ELK3: variants seen among roughly 807,000 people sequenced by gnomAD.
The protein encoded by ELK3 is ETS domain-containing protein Elk-3.
ELK3 carries 10 observed loss-of-function variants against 28.9 expected under a neutral mutation model. The observed-to-expected ratio is 0.35, with a 90% confidence interval of 0.21 to 0.59. The LOEUF is 0.59. Among genes scored for constraint, ELK3 ranks in the 20% least tolerant of loss-of-function variants. The pLI is 0.82. For missense variants in ELK3, 463 were observed against 517.3 expected, an observed-to-expected ratio of 0.90 and a Z score of 1.02; for synonymous variants, 272 against 243.5, an observed-to-expected ratio of 1.12 and a Z score of -1.09.
intron 1 of ELK3, among the ~76,000 whole-genome samples, chr12:96,204,920 CT>C (rs1199025552): frequency 6.6e-6 from 1 of 152,200 alleles, no homozygotes; most frequent in African/African-American, 2.4e-5. Context: ...GATGCAAATC[CT>C]TGTTGGAGTT....
chr12:96,204,600 A>G (rs930526918), intron 1 of ELK3, among the ~76,000 whole-genome samples: 1 of 152,238 alleles, frequency 6.6e-6, no homozygotes, highest in African/African-American at 2.4e-5. Flanking sequence ...CAACAGCAGC[A>G]GCAGCAGCAA....
intron 1 of ELK3, among the ~76,000 whole-genome samples, chr12:96,203,174 C>T (rs563144882): frequency 6.6e-6 from 1 of 152,366 alleles, no homozygotes; most frequent in East Asian, 1.9e-4. Context: ...AGCCACCATA[C>T]CTGGCCAGGA....
intron 3 of ELK3, among the ~76,000 whole-genome samples, chr12:96,256,322 G>T (rs1951948426): frequency 6.6e-6 from 1 of 152,176 alleles, no homozygotes; most frequent in East Asian, 1.9e-4. Flanking sequence ...AAATGGGGCT[G>T]TGCATGCAGG....
intron 1 of ELK3, among the ~76,000 whole-genome samples, chr12:96,202,130 C>T (rs1317115337): frequency 6.6e-6 from 1 of 152,194 alleles, no homozygotes; most frequent in Admixed American, 6.5e-5. Flanking sequence ...GCTCTGATCC[C>T]TTCTCTCCCC....
Position 96,255,580 on chromosome 12 carries a change from C to T in ELK3, c.1003-4151C>T, listed in dbSNP as rs148163144. On this transcript the variant is annotated intron_variant, in intron 3 of 4. Coordinates refer to ENST00000228741, the MANE Select transcript of ELK3 (RefSeq NM_005230.4). ...GAGGGTTTGGGGAGGGAAGTGTCTA[C>T]GAAGAGTCAAACTCTGTAAAATATT... 5.0e-3 allele frequency: 754 copies of T among 152,272 alleles called. 3 individuals carry two copies. The highest frequency in any genetic ancestry group is 0.02 in the Middle Eastern group (6 of 294). The allele number at this position is 152,272 out of a possible 1,614,324, so 9.4% of individuals were successfully genotyped here. A position where few individuals can be genotyped will look rare whatever the true frequency, so the allele number is the denominator to read the frequency against.
chr12:96,257,169 C>T (rs895705911), intron 3 of ELK3, among the ~76,000 whole-genome samples: 17 of 152,152 alleles, frequency 1.1e-4, no homozygotes, highest in African/African-American at 2.7e-4. Context: ...ACTCCAGGAG[C>T]GTGTGGAGAG....
In ELK3 at chr12:96,238,135, T is replaced by G. The variant is rs578151145; in HGVS notation, c.208-8805T>G. On this transcript the variant is annotated intron_variant, in intron 2 of 4. Coordinates refer to ENST00000228741, the MANE Select transcript of ELK3 (RefSeq NM_005230.4). ...AAAGTAAGGTGCCCACCCAAGAAAT[T>G]TTCCTGGAAGGCAGAATAAAATGAA... Among the ~76,000 whole-genome samples the G allele has an allele frequency of 2.6e-5, 4 of 152,280 alleles. No individual in the cohort carries two copies. The South Asian group carries it at 8.3e-4, about 32-fold the overall frequency.
intron 2 of ELK3, among the ~76,000 whole-genome samples, chr12:96,226,737 G>C (rs1951704613): frequency 6.6e-6 from 1 of 150,942 alleles, no homozygotes; most frequent in Non-Finnish European, 1.5e-5. Context: ...GTTAATTCTT[G>C]CTTATAAAAT....
At chr12:96,215,291 G>C (rs1251302099) in intron 1 of ELK3, among the ~76,000 whole-genome samples, 2 of 152,208 alleles carry the variant, frequency 1.3e-5, no homozygotes, top group African/African-American at 4.8e-5. Flanking sequence ...CGACTTCTAA[G>C]AATGGAGGCA....
rs537187713 is a variant in ELK3, at chr12:96,220,177, GT to G, written c.-2-3387del. ...AATCTGGGAGGCCCTGAAGCAGTAG[GT>G]CCCCATCCCCACCACTGCTCCTCTG... On this transcript the variant is annotated intron_variant, in intron 1 of 4. Coordinates refer to ENST00000228741, the MANE Select transcript of ELK3 (RefSeq NM_005230.4). Among the ~76,000 whole-genome samples the G allele has an allele frequency of 7.2e-5, 11 of 152,116 alleles. No individual in the cohort carries two copies. In the South Asian group the frequency reaches 2.3e-3, roughly 32 times the overall value.
intron 1 of ELK3, among the ~76,000 whole-genome samples, chr12:96,221,818 C>T (rs991373534): frequency 5.3e-5 from 8 of 152,150 alleles, no homozygotes; most frequent in Non-Finnish European, 7.3e-5. Flanking sequence ...AGAATATCCC[C>T]TTTAAAGAGC....
intron 2 of ELK3, among the ~76,000 whole-genome samples, chr12:96,228,416 CAA>C (rs71091236): frequency 2.2e-3 from 148 of 68,288 alleles, no homozygotes; most frequent in Admixed American, 0.017. Flanking sequence ...GACTCTGTGT[CAA>C]AAAAAAAAAA....
chr12:96,202,918 C>T (rs1259871658), intron 1 of ELK3, among the ~76,000 whole-genome samples: 5 of 151,218 alleles, frequency 3.3e-5, no homozygotes, highest in South Asian at 2.1e-4. Flanking sequence ...GATGGAGTCT[C>T]GCTCCGTCGC....
At chr12:96,256,479 C>T (rs1427615287) in intron 3 of ELK3, among the ~76,000 whole-genome samples, 1 of 152,008 alleles carries the variant, frequency 6.6e-6, no homozygotes, top group African/African-American at 2.4e-5. Flanking sequence ...AGGTGCTGAG[C>T]TTCATGAAGT....
chr12:96,226,659 C>T (rs1941038092), intron 2 of ELK3, among the ~76,000 whole-genome samples: 1 of 152,286 alleles, frequency 6.6e-6, no homozygotes, highest in Non-Finnish European at 1.5e-5. Context: ...TATCCACATG[C>T]ACACGTGGCC....
chr12:96,258,900 C>A (rs574008451), intron 3 of ELK3, among the ~76,000 whole-genome samples: 5 of 152,334 alleles, frequency 3.3e-5, no homozygotes, highest in Non-Finnish European at 5.9e-5. Flanking sequence ...CGGAAGGAAT[C>A]TGGAAAACCC....
In ELK3 at chr12:96,259,818, C is replaced by G; in HGVS notation, c.1090C>G (p.Pro364Ala). Residue 364 changes from proline (P) to alanine (A), a missense_variant, in exon 4 of 5, where the codon CCT (proline) becomes GCT (alanine). Physicochemically the swap from Pro to Ala is conservative, Grantham distance 27. Transcript: ENST00000228741. ...SSLSPVAPLSPARLQGPSTLF... is the reference protein window; with the variant it reads ...SSLSPVAPLSAARLQGPSTLF... ...CCTTAGTCCAGTTGCTCCGCTGAGT[C>G]CTGCCAGGCTGCAAGGGCCAAGCAC... The G allele has an allele frequency of 6.2e-7, 1 of 1,607,812 alleles. No individual in the cohort carries two copies.
intron 3 of ELK3, among the ~76,000 whole-genome samples, chr12:96,254,880 G>A (rs916812919): frequency 4.6e-5 from 7 of 151,924 alleles, no homozygotes; most frequent in Non-Finnish European, 8.8e-5. Flanking sequence ...GGGAGAGGAA[G>A]GCATCGTCGG....
At chr12:96,197,792 T>C (rs778155736) in intron 1 of ELK3, among the ~76,000 whole-genome samples, 3 of 152,226 alleles carry the variant, frequency 2.0e-5, no homozygotes, top group Non-Finnish European at 4.4e-5. Context: ...CTTTTTCTTA[T>C]ATAAAAAATT....
Sources: gnomAD v4.1 joint callset for allele counts (sites outside exome capture counted in the v4.1 genomes callset) on GRCh38, gnomAD v4.1.1 for gene constraint, MANE v1.5 for transcripts, NCBI Gene and HGNC (gene_info 2026-07-23, HGNC 2026-07-21) for gene names.